The following EXOC4 variants were observed in gnomAD, a reference collection of about 807,000 sequenced individuals.
EXOC4 encodes the protein SEC8-like 1.
A neutral mutation model predicts 107.2 loss-of-function variants in EXOC4; 71 were observed. The ratio of observed to expected loss-of-function variants is 0.66; its 90% CI spans 0.55 to 0.81. The LOEUF (loss-of-function observed/expected upper bound fraction) is 0.81, where lower values mean the gene tolerates loss of function less well. EXOC4 is among the 30% of genes least tolerant of loss of function. EXOC4 has a pLI of 0.00. For synonymous variants in EXOC4, 456 were observed against 441.2 expected (o/e 1.03, Z -0.42); for missense variants, 1,108 against 1,189.6 (o/e 0.93, Z 1.01).
chr7:133,398,058 G>T (rs1563050682), intron 7 of EXOC4, among the ~76,000 whole-genome samples: 2 of 152,034 alleles, frequency 1.3e-5, no homozygotes, highest in Non-Finnish European at 2.9e-5. Flanking sequence ...AACCTTTATG[G>T]CTTTGTCTGC....
chr7:133,707,726 T>C (rs978276089), intron 10 of EXOC4, among the ~76,000 whole-genome samples: 3 of 151,964 alleles, frequency 2.0e-5, no homozygotes, highest in African/African-American at 7.2e-5. Context: ...AGCAATTCTC[T>C]TGCCTCAGCC....
chr7:134,020,913 G>C (rs1795013663), intron 17 of EXOC4, among the ~76,000 whole-genome samples: 1 of 151,812 alleles, frequency 6.6e-6, no homozygotes, highest in Non-Finnish European at 1.5e-5. Context: ...GTGAACCCAG[G>C]AGGCAGAGCT....
chr7:133,568,840 G>A (rs1385592837), intron 9 of EXOC4, among the ~76,000 whole-genome samples: 2 of 152,092 alleles, frequency 1.3e-5, no homozygotes, highest in Non-Finnish European at 2.9e-5. Context: ...TTGAAATCAG[G>A]AATATCTTAA....
intron 9 of EXOC4, 27 bp downstream of exon 9, chr7:133,480,165 A>G: frequency 6.2e-7 from 1 of 1,610,690 alleles, no homozygotes; most frequent in Non-Finnish European, 8.5e-7. Flanking sequence ...CTCTGGAAAA[A>G]TTAATTTTCT....
chr7:133,937,943 T>G lies in EXOC4; in HGVS notation c.2080T>G (p.Leu694Val). 1 of 1,614,176 alleles carries G rather than the reference T, an allele frequency of 6.2e-7. No homozygotes were observed. The highest frequency in any genetic ancestry group is 8.5e-7 in the Non-Finnish European group (1 of 1,180,024). The change falls in exon 14 of 18, where the codon TTA (leucine) becomes GTA (valine). Residue 694 changes from leucine to valine, a missense_variant. By Grantham distance (32) the Leu-to-Val change is conservative. Transcript: ENST00000253861. ...EVLIGNLGDK[L>V]IPPQDILRDV... ...TCTTATTGGGAACCTGGGTGATAAA[T>G]TAATCCCTCCACAAGACATCCTTCG...
chr7:133,608,760 GATGGTC>G (rs1802011490), intron 9 of EXOC4, among the ~76,000 whole-genome samples: 1 of 151,824 alleles, frequency 6.6e-6, no homozygotes, highest in Non-Finnish European at 1.5e-5. Flanking sequence ...TGTTGGCCAG[GATGGTC>G]TCGATCTCCT....
In EXOC4 at chr7:133,903,957, G is replaced by A. The variant is rs146904257; in HGVS notation, c.1871+8222G>A. On this transcript the variant is annotated intron_variant, in intron 12 of 17. Transcript: ENST00000253861. ...ACTCAGCACGGACTGAGTGATAAAT[G>A]TAGCACGGACTGAGTGATAAATGTA... Among the ~76,000 whole-genome samples, 581 of 152,280 alleles carry A rather than the reference G, an allele frequency of 3.8e-3. 4 individuals are homozygous for A. The highest frequency in any genetic ancestry group is 5.0e-3 in the Admixed American group (76 of 15,300).
intron 8 of EXOC4, among the ~76,000 whole-genome samples, chr7:133,478,139 T>TC (rs1420796445): frequency 6.6e-6 from 1 of 151,376 alleles, no homozygotes; most frequent in East Asian, 1.9e-4. Flanking sequence ...TTTTTTTTTT[T>TC]CTTTTCTCTA....
chr7:133,915,666 T>A (rs1799793526), intron 12 of EXOC4, among the ~76,000 whole-genome samples: 1 of 152,180 alleles, frequency 6.6e-6, no homozygotes, highest in Non-Finnish European at 1.5e-5. Context: ...GCTATAAGAT[T>A]GCACCTAGCA....
intron 10 of EXOC4, among the ~76,000 whole-genome samples, chr7:133,749,928 T>A (rs969435990): frequency 6.6e-6 from 1 of 151,200 alleles, no homozygotes; most frequent in Non-Finnish European, 1.5e-5. Flanking sequence ...TGCTCTCCCT[T>A]ATTGGGCTTC....
At chr7:133,915,497 C>T (rs775459192) in intron 12 of EXOC4, among the ~76,000 whole-genome samples, 1 of 151,968 alleles carries the variant, frequency 6.6e-6, no homozygotes, top group Non-Finnish European at 1.5e-5. Context: ...AGGATATGGG[C>T]GGTAAGCAAT....
intron 14 of EXOC4, among the ~76,000 whole-genome samples, chr7:133,943,507 G>A (rs1207097529): frequency 2.6e-5 from 4 of 152,112 alleles, no homozygotes. Flanking sequence ...GCAGTGGAAT[G>A]TTTCTTAAAC....
chr7:133,488,646 A>C (rs995466000), intron 9 of EXOC4, among the ~76,000 whole-genome samples: 15 of 152,176 alleles, frequency 9.9e-5, no homozygotes, highest in Admixed American at 3.9e-4. Flanking sequence ...ATAAATTTCC[A>C]ATAGGTTGAT....
At chr7:134,072,390 G>A in the EXOC4 span, among the ~76,000 whole-genome samples, 1 of 152,182 alleles carries the variant, frequency 6.6e-6, no homozygotes. Context: ...TGTTTGTGGT[G>A]GTGGTGGTGA....
intron 17 of EXOC4, among the ~76,000 whole-genome samples, chr7:134,057,038 C>G (rs1795943168): frequency 6.6e-6 from 1 of 152,104 alleles, no homozygotes; most frequent in Admixed American, 6.5e-5. Flanking sequence ...CCCAGGAGAA[C>G]CCCCACCCCC....
chr7:133,978,232 T>C (rs1793889574), intron 14 of EXOC4, among the ~76,000 whole-genome samples: 2 of 152,264 alleles, frequency 1.3e-5, no homozygotes, highest in Admixed American at 1.3e-4. Context: ...CAGAGCATTC[T>C]GAACCATTTT....
chr7:133,873,174 G>A (rs1289643863), intron 11 of EXOC4, among the ~76,000 whole-genome samples: 1 of 152,188 alleles, frequency 6.6e-6, no homozygotes, highest in East Asian at 1.9e-4. Context: ...GTGGTGGTGT[G>A]CACCTGATTG....
intron 9 of EXOC4, among the ~76,000 whole-genome samples, chr7:133,555,228 G>A (rs1800669024): frequency 6.6e-6 from 1 of 152,132 alleles, no homozygotes; most frequent in South Asian, 2.1e-4. Context: ...GCATGTAATG[G>A]TTAAGAAGAT....
rs534734069 is a variant in EXOC4, at chr7:133,261,795, T to C, written c.86+8608T>C. On this transcript the variant is annotated intron_variant, in intron 1 of 17. Coordinates refer to ENST00000253861, the MANE Select transcript of EXOC4 (RefSeq NM_021807.4). ...ATTCCACTCAGTACCCTAAGAATTA[T>C]GAAATTTTTTCACTCTGGCCTGGGG... 2.6e-5 allele frequency among the ~76,000 whole-genome samples: 4 copies of C among 152,320 alleles called. No homozygotes were observed. The South Asian group carries it at 8.3e-4, about 32-fold the overall frequency.
Sources: allele counts gnomAD v4.1 joint callset (sites outside exome capture counted in the v4.1 genomes callset), GRCh38; gene constraint gnomAD v4.1.1; transcripts MANE v1.5; gene names NCBI Gene and HGNC (gene_info 2026-07-23, HGNC 2026-07-21).